The following UROC1 variants were observed in gnomAD, a reference collection of about 807,000 sequenced individuals.
The protein encoded by UROC1 is urocanate hydratase 1.
In UROC1, 79 loss-of-function variants were observed where a neutral mutation model predicts 89.5. That is an observed-to-expected ratio of 0.88 (90% confidence interval 0.74 to 1.06). The LOEUF (loss-of-function observed/expected upper bound fraction) is 1.06. UROC1 is among the 50% of genes least tolerant of loss of function. UROC1 has a pLI of 0.00. For synonymous variants in UROC1, 361 were observed against 354.8 expected (o/e 1.02, Z -0.20); for missense variants, 885 against 907.8 (o/e 0.97, Z 0.32).
intron 14 of UROC1, among the ~76,000 whole-genome samples, chr3:126,496,603 G>A (rs1053010691): frequency 6.6e-6 from 1 of 152,176 alleles, no homozygotes; most frequent in African/African-American, 2.4e-5. Context: ...AAATAAACTT[G>A]GCCTATGCAG....
intron 15 of UROC1, among the ~76,000 whole-genome samples, chr3:126,493,177 C>A (rs567286651): frequency 1.3e-5 from 2 of 152,136 alleles, no homozygotes; most frequent in African/African-American, 4.8e-5. Flanking sequence ...CTGTGTAGCC[C>A]CGCGGTCCTC....
intron 15 of UROC1, among the ~76,000 whole-genome samples, chr3:126,495,811 A>T (rs1054039086): frequency 6.6e-6 from 1 of 152,202 alleles, no homozygotes; most frequent in Non-Finnish European, 1.5e-5. Flanking sequence ...CACCCTTTAA[A>T]GGTCCCCGGC....
intron 2 of UROC1, among the ~76,000 whole-genome samples, 168 bp downstream of exon 2, chr3:126,510,496 G>C (rs1441343261): frequency 1.3e-5 from 2 of 152,316 alleles, no homozygotes; most frequent in South Asian, 4.1e-4. Flanking sequence ...GCTGGGCTCC[G>C]GCTCCCGAGG....
At chr3:126,506,313 C>T (rs1576727075) in intron 6 of UROC1, among the ~76,000 whole-genome samples, 1 of 152,300 alleles carries the variant, frequency 6.6e-6, no homozygotes, top group East Asian at 1.9e-4. Context: ...ATGTGTGCAG[C>T]ATGCCCACAC....
Position 126,492,398 on chromosome 3 carries a change from C to G in UROC1, c.1608+20G>C. 6.2e-7 allele frequency: 1 copy of G among 1,609,942 alleles called. No individual in the cohort carries two copies. On this transcript the variant is annotated intron_variant, in intron 16 of 19. Coordinates refer to ENST00000290868, the MANE Select transcript of UROC1 (RefSeq NM_144639.3). ...GGAAGAGGCTGAGGGATGCTTCCCC[C>G]AGAGCACAGGACACCTCACCTTGAT...
intron 6 of UROC1, among the ~76,000 whole-genome samples, chr3:126,506,361 T>G (rs537343930): frequency 6.6e-6 from 1 of 152,198 alleles, no homozygotes; most frequent in South Asian, 2.1e-4. Flanking sequence ...CACAAGGATG[T>G]TCACCGCAAC....
chr3:126,489,685 C>T (rs1239757513), intron 16 of UROC1, among the ~76,000 whole-genome samples: 1 of 152,144 alleles, frequency 6.6e-6, no homozygotes, highest in Non-Finnish European at 1.5e-5. Context: ...AAGAAATTTC[C>T]CCTATATCAC....
At chr3:126,514,963 A>G (rs888395076) in intron 1 of UROC1, among the ~76,000 whole-genome samples, 2 of 152,100 alleles carry the variant, frequency 1.3e-5, no homozygotes, top group Admixed American at 1.3e-4. Context: ...AGATCAACGA[A>G]ACACATTTAA....
intron 16 of UROC1, among the ~76,000 whole-genome samples, chr3:126,490,699 T>C (rs955838164): frequency 6.8e-6 from 1 of 147,968 alleles, no homozygotes; most frequent in Non-Finnish European, 1.5e-5. Context: ...AGAAAATGAG[T>C]TCTAACTGGC....
chr3:126,490,893 TAAG>T (rs1935635514), intron 16 of UROC1, among the ~76,000 whole-genome samples: 1 of 152,158 alleles, frequency 6.6e-6, no homozygotes, highest in African/African-American at 2.4e-5. Context: ...CTGTTTCAGC[TAAG>T]AAGTCCTATT....
At chr3:126,509,433 C>T in intron 3 of UROC1, 152 bp downstream of exon 3, 1 of 746,006 alleles carries the variant, frequency 1.3e-6, no homozygotes, top group Admixed American at 2.1e-5. Flanking sequence ...CTGGGGGAAG[C>T]CGAGGGAAGG....
rs1345186112 is a variant in UROC1, at chr3:126,481,641, C to T, written c.*704G>A. 1 of 152,252 alleles carries T rather than the reference C, an allele frequency of 6.6e-6. No homozygotes were observed. Among genetic ancestry groups the T allele is most frequent in the Non-Finnish European group, 1.5e-5 (1 of 68,070 alleles). 9.4% of individuals were successfully genotyped at this position (152,252 alleles called of 1,614,324 possible). A position where few individuals can be genotyped will look rare whatever the true frequency, so the allele number is the denominator to read the frequency against. ...CCCATCCCGGTGACCTCTCACGAGG[C>T]TCTGGACCCAGTCATTACCGGGCTA... On this transcript the variant is annotated 3_prime_UTR_variant, in exon 20 of 20. Coordinates refer to ENST00000290868, the MANE Select transcript of UROC1 (RefSeq NM_144639.3).
intron 9 of UROC1, among the ~76,000 whole-genome samples, chr3:126,502,471 G>T (rs1010022114): frequency 1.1e-4 from 16 of 152,084 alleles, no homozygotes; most frequent in African/African-American, 3.9e-4. Flanking sequence ...GTGTGTGCAT[G>T]TGTGTGCATA....
chr3:126,490,379 G>T (rs1438891597), intron 16 of UROC1, among the ~76,000 whole-genome samples: 1 of 152,154 alleles, frequency 6.6e-6, no homozygotes, highest in Non-Finnish European at 1.5e-5. Context: ...CTGTGCATGG[G>T]CAGGCCTGCT....
intron 15 of UROC1, among the ~76,000 whole-genome samples, chr3:126,495,088 C>T (rs942458893): frequency 6.6e-6 from 1 of 152,218 alleles, no homozygotes; most frequent in Non-Finnish European, 1.5e-5. Context: ...CAAACTCTTT[C>T]CTCTGCAGGG....
Position 126,482,489 on chromosome 3 carries a change from G to A in UROC1, c.1891-4C>T. On this transcript the variant is annotated splice_polypyrimidine_tract_variant and splice_region_variant and intron_variant, in intron 19 of 19. Transcript: ENST00000290868. ...CTGACCAGCAGCGCCGGGCCACCTA[G>A]GGCAAGGAGGGGGATAGCAGTCCAT... is the stretch of plus-strand genomic sequence containing the variant. 1 of 1,613,884 alleles carries A rather than the reference G, an allele frequency of 6.2e-7. No individual in the cohort carries two copies. Among genetic ancestry groups the A allele is most frequent in the Non-Finnish European group, 8.5e-7 (1 of 1,180,008 alleles).
intron 18 of UROC1, among the ~76,000 whole-genome samples, chr3:126,486,032 G>C (rs1935508330): frequency 6.6e-6 from 1 of 152,226 alleles, no homozygotes; most frequent in Non-Finnish European, 1.5e-5. Flanking sequence ...AGCGCAGTGT[G>C]GCCATGGGAG....
At chr3:126,503,542 G>C (rs1935983482) in intron 9 of UROC1, among the ~76,000 whole-genome samples, 1 of 152,246 alleles carries the variant, frequency 6.6e-6, no homozygotes. Flanking sequence ...CACAGGGAGG[G>C]AGTGCACGCC....
At chr3:126,500,219 T>C (rs1455400310) in intron 11 of UROC1, 65 bp from the exon 12 acceptor site, 3 of 1,510,308 alleles carry the variant, frequency 2.0e-6, no homozygotes, top group Non-Finnish European at 2.7e-6. Context: ...TGTGGCACCC[T>C]CAGTCGCACC....
Sources: allele counts gnomAD v4.1 joint callset (sites outside exome capture counted in the v4.1 genomes callset), GRCh38; gene constraint gnomAD v4.1.1; transcripts MANE v1.5; gene names NCBI Gene and HGNC (gene_info 2026-07-23, HGNC 2026-07-21).